The following SSUH2 variants were observed in gnomAD, a reference collection of about 807,000 sequenced individuals.
The protein encoded by SSUH2 is protein SSUH2 homolog.
A neutral mutation model predicts 55.3 loss-of-function variants in SSUH2; 47 were observed. That is an observed-to-expected ratio of 0.85 (90% CI 0.67 to 1.08). The LOEUF (loss-of-function observed/expected upper bound fraction) is 1.08, where lower values mean the gene tolerates loss of function less well. Among genes scored for constraint, SSUH2 ranks in the 50% least tolerant of loss-of-function variants. The pLI is 0.00. For missense variants in SSUH2, 535 were observed against 490.7 expected (o/e 1.09, Z -0.85); for synonymous variants, 212 against 191.5 (o/e 1.11, Z -0.89).
chr3:8,673,636 A>T (rs762046653), intron 3 of SSUH2, among the ~76,000 whole-genome samples: 1 of 152,216 alleles, frequency 6.6e-6, no homozygotes. Flanking sequence ...TTTAACAGAG[A>T]TGAAAGGCAA....
At chr3:8,647,316 G>A (rs1045018274), upstream of SSUH2, among the ~76,000 whole-genome samples, 13 of 152,200 alleles carry the variant, frequency 8.5e-5, no homozygotes, top group Admixed American at 1.3e-4. Flanking sequence ...GGTCATTTTC[G>A]GCTGAACAAA....
intron 2 of SSUH2, 141 bp downstream of exon 2, chr3:8,635,618 A>T: frequency 2.4e-6 from 2 of 847,924 alleles, no homozygotes; most frequent in Non-Finnish European, 3.5e-6. Context: ...TCCTCTTTCC[A>T]CCTGCCCAAG....
intron 1 of SSUH2, among the ~76,000 whole-genome samples, chr3:8,637,441 A>G (rs1700105169): frequency 6.6e-6 from 1 of 152,196 alleles, no homozygotes; most frequent in African/African-American, 2.4e-5. Flanking sequence ...ACACCTTCCC[A>G]CACATGTTGC....
intron 1 of SSUH2, among the ~76,000 whole-genome samples, chr3:8,641,862 A>T (rs993041698): frequency 6.6e-6 from 1 of 152,224 alleles, no homozygotes; most frequent in Non-Finnish European, 1.5e-5. Flanking sequence ...CGTGGAGGGC[A>T]GGGGCATTCT....
chr3:8,674,143 T>G (rs1317468101), intron 3 of SSUH2, among the ~76,000 whole-genome samples: 2 of 152,162 alleles, frequency 1.3e-5, no homozygotes, highest in Non-Finnish European at 1.5e-5. Context: ...GCAAAGAGAA[T>G]GAACGTCAGG....
At chr3:8,622,760 A>G (rs1432963737) in intron 11 of SSUH2, among the ~76,000 whole-genome samples, 1 of 152,222 alleles carries the variant, frequency 6.6e-6, no homozygotes, top group Non-Finnish European at 1.5e-5. Context: ...ATTGCAAAGG[A>G]CAGAAAGGGA....
At chr3:8,679,801 C>CTCA (rs1266261768) in exon 2 of SSUH2, 3 of 153,588 alleles carry the variant, frequency 2.0e-5, no homozygotes, top group African/African-American at 7.2e-5. Flanking sequence ...GGGGTCTGAA[C>CTCA]GCAGCCCAGG....
In SSUH2 at chr3:8,659,726, C is replaced by T. The variant is rs1271339139; in HGVS notation, c.-395-713G>A. The stretch of plus-strand genomic sequence containing the variant: ...ACCATGCATCATCCGTCTGTCCATC[C>T]ATCCATATATGTATTCATTCATTCA... On this transcript the variant is annotated intron_variant, in intron 6 of 18. Transcript: ENST00000317371. The T allele has an allele frequency of 8.8e-6, 4 of 454,416 alleles. No homozygotes were observed. The Admixed American group carries it at 9.4e-5, about 11-fold the overall frequency. The allele number at this position is 454,416 out of a possible 1,614,324, so 28.1% of individuals were successfully genotyped here. A position where few individuals can be genotyped will look rare whatever the true frequency, so the allele number is the denominator to read the frequency against.
intron 5 of SSUH2, among the ~76,000 whole-genome samples, chr3:8,666,707 C>A (rs1704024396): frequency 6.6e-6 from 1 of 152,186 alleles, no homozygotes; most frequent in South Asian, 2.1e-4. Context: ...TCAATTCCAA[C>A]ACGATTTACC....
At chr3:8,654,570 C>T (rs1702743507) in intron 7 of SSUH2, among the ~76,000 whole-genome samples, 1 of 152,160 alleles carries the variant, frequency 6.6e-6, no homozygotes. Context: ...TGTGTGTTTC[C>T]ATAGGGTAAA....
At chr3:8,647,536 G>A (rs62244192), upstream of SSUH2, among the ~76,000 whole-genome samples, 6 of 152,012 alleles carry the variant, frequency 3.9e-5, no homozygotes, top group East Asian at 3.9e-4. Flanking sequence ...CTGAAGGACC[G>A]TGGTGAGGAG....
intron 6 of SSUH2, 75 bp from the exon 7 acceptor site, chr3:8,629,801 A>C: frequency 7.1e-7 from 1 of 1,414,114 alleles, no homozygotes; most frequent in Non-Finnish European, 1.0e-6. Flanking sequence ...TCACCATCTA[A>C]ACCGAAGGTG....
chr3:8,681,476 AG>A (rs781383686), intron 1 of SSUH2, among the ~76,000 whole-genome samples: 1 of 127,136 alleles, frequency 7.9e-6, no homozygotes, highest in Non-Finnish European at 1.7e-5. Flanking sequence ...CCCCCGTCGT[AG>A]GGGGGAGGCA....
chr3:8,640,790 G>A (rs1267864037), intron 1 of SSUH2, among the ~76,000 whole-genome samples: 1 of 152,200 alleles, frequency 6.6e-6, no homozygotes, highest in African/African-American at 2.4e-5. Flanking sequence ...AATGGGTGAA[G>A]GGTTGGGAGA....
chr3:8,673,782 G>A (rs763614248), intron 3 of SSUH2, among the ~76,000 whole-genome samples: 23 of 152,186 alleles, frequency 1.5e-4, no homozygotes, highest in Non-Finnish European at 2.6e-4. Flanking sequence ...ACGTGAAAGA[G>A]AGGATATGCA....
In SSUH2 at chr3:8,626,289, G is replaced by T. The variant is rs764347542; in HGVS notation, c.707C>A (p.Thr236Asn). 1.9e-6 allele frequency: 3 copies of T among 1,614,002 alleles called. No homozygotes were observed. The highest frequency in any genetic ancestry group is 2.5e-6 in the Non-Finnish European group (3 of 1,180,006). Residue 236 changes from threonine (T) to asparagine (N), a missense_variant, in exon 9 of 12, where the codon ACC (threonine) becomes AAC (asparagine). Coordinates refer to ENST00000544814, the MANE Select transcript of SSUH2 (RefSeq NM_001256748.3). ...CSTCSGRGNK[T>N]CATCKGEKKL... ...CTTCTCCCCCTTGCAGGTGGCGCAG[G>T]TCTTGTTCCCTCTCCCTGAGCAAGT...
At chr3:8,668,755 C>G (rs1036650044) in intron 5 of SSUH2, among the ~76,000 whole-genome samples, 2 of 152,154 alleles carry the variant, frequency 1.3e-5, no homozygotes, top group Admixed American at 1.3e-4. Flanking sequence ...GGGCAGCACT[C>G]AAGTTCAGGG....
chr3:8,630,446 T>C (rs757804312), intron 6 of SSUH2, among the ~76,000 whole-genome samples: 22 of 152,236 alleles, frequency 1.4e-4, no homozygotes, highest in Non-Finnish European at 2.9e-4. Context: ...TTTAAGTTTT[T>C]ATTTTATATC....
At position 8,626,316 on chromosome 3, in the gene SSUH2, C is replaced by T; in HGVS notation, c.680G>A (p.Ser227Asn). The T allele has an allele frequency of 3.7e-6, 6 of 1,614,010 alleles. No homozygotes were observed. The highest frequency in any genetic ancestry group is 5.1e-6 in the Non-Finnish European group (6 of 1,179,896). ...LCAGSGRRRC[S>N]TCSGRGNKTC... ...CTTGTTCCCTCTCCCTGAGCAAGTG[C>T]TGCATCTGAGAAAGGCACAGAGTCC... is the stretch of plus-strand genomic sequence containing the variant. The change falls in exon 9 of 12, where the codon AGC (serine) becomes AAC (asparagine). Residue 227 changes from serine (S) to asparagine (N), a missense_variant. Ser to Asn is a conservative substitution (Grantham distance 46, BLOSUM62 1). Transcript: ENST00000544814.
Sources: gnomAD v4.1 joint callset for allele counts (sites outside exome capture counted in the v4.1 genomes callset) on GRCh38, gnomAD v4.1.1 for gene constraint, MANE v1.5 for transcripts, NCBI Gene and HGNC (gene_info 2026-07-23, HGNC 2026-07-21) for gene names.